Variants in PXDNL observed in about 807,000 individuals in gnomAD.
The protein encoded by PXDNL is peroxidasin like, also known as probable oxidoreductase PXDNL.
Under a neutral mutation model 150.8 loss-of-function variants are expected in PXDNL, and 145 were observed. That is an observed-to-expected ratio of 0.96 (90% CI 0.84 to 1.10). The LOEUF (loss-of-function observed/expected upper bound fraction) is 1.10. Ranked by LOEUF, PXDNL falls within the 50% of genes least tolerant of loss-of-function variation. PXDNL has a pLI of 0.00. For missense variants in PXDNL, 2,087 were observed against 1,873.9 expected (o/e 1.11, Z -2.10); for synonymous variants, 757 against 725.7 (o/e 1.04, Z -0.69).
At chr8:51,728,612 T>TA (rs1213621198) in intron 1 of PXDNL, among the ~76,000 whole-genome samples, 1 of 151,982 alleles carries the variant, frequency 6.6e-6, no homozygotes, top group Non-Finnish European at 1.5e-5. Context: ...AATTTAAGAA[T>TA]AAAAAATGTA....
At chr8:51,348,085 A>C (rs1044370463) in intron 19 of PXDNL, among the ~76,000 whole-genome samples, 2 of 152,166 alleles carry the variant, frequency 1.3e-5, no homozygotes, top group African/African-American at 4.8e-5. Flanking sequence ...AAAGTGGATA[A>C]GGCATGGTTC....
intron 5 of PXDNL, among the ~76,000 whole-genome samples, chr8:51,492,498 G>A (rs570903168): frequency 6.6e-6 from 1 of 152,288 alleles, no homozygotes; most frequent in South Asian, 2.1e-4. Flanking sequence ...ACCTCACCCA[G>A]AAAGCTCAAG....
intron 1 of PXDNL, among the ~76,000 whole-genome samples, chr8:51,658,692 A>AATG (rs992901222): frequency 1.6e-4 from 25 of 152,212 alleles, no homozygotes; most frequent in Admixed American, 1.5e-3. Context: ...AAATTTGGAT[A>AATG]ATGATACTGT....
At chr8:51,544,574 T>C (rs1311626256) in intron 4 of PXDNL, among the ~76,000 whole-genome samples, 3 of 152,160 alleles carry the variant, frequency 2.0e-5, no homozygotes, top group Admixed American at 6.5e-5. Context: ...AAAGAGAACA[T>C]TTATACTTGA....
At chr8:51,722,442 C>T (rs1350352375) in intron 1 of PXDNL, among the ~76,000 whole-genome samples, 1 of 152,172 alleles carries the variant, frequency 6.6e-6, no homozygotes, top group Non-Finnish European at 1.5e-5. Context: ...CTTTGCAGTT[C>T]GCAGATGGCT....
chr8:51,597,342 C>T (rs1251221340), intron 2 of PXDNL, among the ~76,000 whole-genome samples: 2 of 152,022 alleles, frequency 1.3e-5, no homozygotes, highest in Non-Finnish European at 2.9e-5. Context: ...TAATGTGATG[C>T]CTCTGGCTTT....
At chr8:51,723,666 G>A (rs1445006365) in intron 1 of PXDNL, among the ~76,000 whole-genome samples, 2 of 152,194 alleles carry the variant, frequency 1.3e-5, no homozygotes, top group African/African-American at 4.8e-5. Flanking sequence ...CAATTCAGCA[G>A]TGAGCCACCT....
chr8:51,680,845 A>G (rs112141985), intron 1 of PXDNL, among the ~76,000 whole-genome samples: 3 of 152,324 alleles, frequency 2.0e-5, no homozygotes, highest in African/African-American at 7.2e-5. Flanking sequence ...TAAGGGAATT[A>G]ATGAGGTGGA....
intron 2 of PXDNL, among the ~76,000 whole-genome samples, 175 bp from the exon 3 acceptor site, chr8:51,592,873 TA>T (rs1368367587): frequency 3.9e-5 from 6 of 152,224 alleles, no homozygotes; most frequent in Admixed American, 2.0e-4. Context: ...TATAAAACAT[TA>T]ATTTGTCACA....
At chr8:51,382,163 G>C (rs1381393013) in intron 17 of PXDNL, among the ~76,000 whole-genome samples, 1 of 152,146 alleles carries the variant, frequency 6.6e-6, no homozygotes, top group Non-Finnish European at 1.5e-5. Context: ...TAAAAGGGCA[G>C]TTTGAACAAA....
chr8:51,444,567 G>A (rs1809628334), intron 12 of PXDNL, among the ~76,000 whole-genome samples: 1 of 152,104 alleles, frequency 6.6e-6, no homozygotes, highest in Admixed American at 6.5e-5. Context: ...AGACACCTTA[G>A]GCAGAATAAG....
intron 2 of PXDNL, among the ~76,000 whole-genome samples, chr8:51,648,104 C>T (rs1814961955): frequency 6.6e-6 from 1 of 152,120 alleles, no homozygotes; most frequent in African/African-American, 2.4e-5. Flanking sequence ...AAATATATGT[C>T]ACTCTTACAG....
chr8:51,600,992 T>C (rs1055800134), intron 2 of PXDNL, among the ~76,000 whole-genome samples: 1 of 146,196 alleles, frequency 6.8e-6, no homozygotes, highest in African/African-American at 2.5e-5. Flanking sequence ...TTATATCTTA[T>C]ATAAATTATA....
chr8:51,354,342 A>C (rs1395433321), intron 19 of PXDNL, among the ~76,000 whole-genome samples: 1 of 152,148 alleles, frequency 6.6e-6, no homozygotes, highest in African/African-American at 2.4e-5. Context: ...AAACAAATGG[A>C]CAATTACAAA....
At chr8:51,749,225 G>A (rs1344111382) in intron 1 of PXDNL, among the ~76,000 whole-genome samples, 2 of 152,166 alleles carry the variant, frequency 1.3e-5, no homozygotes, top group Non-Finnish European at 2.9e-5. Context: ...TACATCCTAC[G>A]ACACTCTCGG....
chr8:51,393,312 A>G (rs1807969569), intron 17 of PXDNL, among the ~76,000 whole-genome samples: 3 of 152,200 alleles, frequency 2.0e-5, no homozygotes, highest in Admixed American at 2.0e-4. Context: ...AAATTATTTC[A>G]TCTTCTCAGT....
At chr8:51,608,644 T>C (rs931104845) in intron 2 of PXDNL, among the ~76,000 whole-genome samples, 6 of 148,780 alleles carry the variant, frequency 4.0e-5, no homozygotes, top group Non-Finnish European at 7.4e-5. Context: ...CAGACCATCC[T>C]GGCTAACACG....
chr8:51,727,180 A>T (rs538622558), intron 1 of PXDNL, among the ~76,000 whole-genome samples: 2 of 152,378 alleles, frequency 1.3e-5, no homozygotes, highest in East Asian at 3.9e-4. Context: ...GACTAGGAAC[A>T]AGATAGTTTG....
At chr8:51,400,254 G>A (rs547880324) in intron 17 of PXDNL, among the ~76,000 whole-genome samples, 1 of 152,220 alleles carries the variant, frequency 6.6e-6, no homozygotes, top group East Asian at 1.9e-4. Flanking sequence ...CAGCTGAAGG[G>A]GGCTGTGGAA....
Sources: allele counts gnomAD v4.1 joint callset (sites outside exome capture counted in the v4.1 genomes callset), GRCh38; gene constraint gnomAD v4.1.1; transcripts MANE v1.5; gene names NCBI Gene and HGNC (gene_info 2026-07-23, HGNC 2026-07-21).